The following DPP10 variants were observed in gnomAD, a reference collection of about 807,000 sequenced individuals.
DPP10 encodes dipeptidyl peptidase like 10, also known as inactive dipeptidyl peptidase 10.
Under a neutral mutation model 120.9 loss-of-function variants are expected in DPP10, and 33 were observed. The observed-to-expected ratio is 0.27, with a 90% CI of 0.21 to 0.37. The LOEUF (loss-of-function observed/expected upper bound fraction) is 0.37. DPP10 is among the 10% of genes least tolerant of loss of function. The pLI is 1.00. For synonymous variants in DPP10, 337 were observed against 326.1 expected, an observed-to-expected ratio of 1.03 and a Z score of -0.36; for missense variants, 816 against 942.8, an observed-to-expected ratio of 0.87 and a Z score of 1.76.
At chr2:115,481,718 T>A (rs1027391481) in intron 3 of DPP10, among the ~76,000 whole-genome samples, 2 of 152,140 alleles carry the variant, frequency 1.3e-5, no homozygotes, top group African/African-American at 4.8e-5. Context: ...TTGACAGTTT[T>A]CCTTCAGTTA....
At chr2:115,578,828 T>C (rs564465951) in intron 5 of DPP10, among the ~76,000 whole-genome samples, 1 of 152,300 alleles carries the variant, frequency 6.6e-6, no homozygotes, top group South Asian at 2.1e-4. Context: ...TCATCAAGGC[T>C]GCTAATAACT....
At chr2:115,629,263 CTG>C (rs1428153229) in intron 5 of DPP10, among the ~76,000 whole-genome samples, 4 of 152,234 alleles carry the variant, frequency 2.6e-5, no homozygotes, top group Admixed American at 6.5e-5. Context: ...GCGAATAGTG[CTG>C]CAATAAACAT....
intron 5 of DPP10, among the ~76,000 whole-genome samples, chr2:115,556,332 T>C (rs2080208204): frequency 1.3e-5 from 2 of 150,972 alleles, no homozygotes; most frequent in South Asian, 2.1e-4. Context: ...TCATAAACTT[T>C]CTTAAAACGT....
chr2:115,034,834 G>T (rs557225302), intron 1 of DPP10, among the ~76,000 whole-genome samples: 1 of 152,232 alleles, frequency 6.6e-6, no homozygotes, highest in South Asian at 2.1e-4. Flanking sequence ...CACTGCCACT[G>T]CTTTAGTTCT....
intron 1 of DPP10, among the ~76,000 whole-genome samples, chr2:114,733,476 C>A (rs1677116984): frequency 1.3e-5 from 2 of 152,100 alleles, no homozygotes; most frequent in Admixed American, 1.3e-4. Context: ...AAAAACAGGA[C>A]CTCTTTATTT....
intron 3 of DPP10, among the ~76,000 whole-genome samples, chr2:115,412,622 A>G (rs369149301): frequency 3.8e-4 from 58 of 152,322 alleles, no homozygotes; most frequent in African/African-American, 1.3e-3. Context: ...TATAATAACT[A>G]TGAGTGACTC....
chr2:114,638,206 G>T (rs568867529), intron 1 of DPP10, among the ~76,000 whole-genome samples: 3 of 151,706 alleles, frequency 2.0e-5, no homozygotes, highest in South Asian at 2.1e-4. Context: ...TCCTTGGTTA[G>T]CTGTATTCTT....
intron 5 of DPP10, among the ~76,000 whole-genome samples, chr2:115,658,390 C>CT (rs570547493): frequency 1.0e-3 from 150 of 147,856 alleles, no homozygotes; most frequent in African/African-American, 1.5e-3. Flanking sequence ...TTGACAACCC[C>CT]TTTTTTTTTT....
intron 1 of DPP10, among the ~76,000 whole-genome samples, chr2:115,116,086 T>C (rs1026653693): frequency 6.6e-6 from 1 of 152,164 alleles, no homozygotes; most frequent in African/African-American, 2.4e-5. Flanking sequence ...TTTAACCTTT[T>C]GATTTCCTCT....
intron 1 of DPP10, among the ~76,000 whole-genome samples, chr2:115,042,670 GAT>G (rs1704751766): frequency 2.0e-5 from 3 of 152,188 alleles, no homozygotes; most frequent in Non-Finnish European, 1.5e-5. Flanking sequence ...GAAGGCAAGA[GAT>G]AGAGAGGACA....
Position 115,641,843 on chromosome 2 carries a change from C to A in DPP10, c.442-47844C>A, listed in dbSNP as rs75138635. On this transcript the variant is annotated intron_variant, in intron 5 of 25. Transcript: ENST00000410059. Reference sequence around the variant, plus strand: ...CTCAAAACAAAACCTTTTCTTATGTCATTTCATATACGATAGTGTTACCAA... The same window carrying A: ...CTCAAAACAAAACCTTTTCTTATGTAATTTCATATACGATAGTGTTACCAA... Among the ~76,000 whole-genome samples, 1,269 of 152,208 alleles carry A rather than the reference C, an allele frequency of 8.3e-3. 14 individuals carry two copies. Among genetic ancestry groups the A allele is most frequent in the African/African-American group, 0.029 (1,210 of 41,518 alleles).
intron 1 of DPP10, among the ~76,000 whole-genome samples, chr2:114,974,877 T>C (rs1319598290): frequency 6.6e-6 from 1 of 151,990 alleles, no homozygotes; most frequent in Non-Finnish European, 1.5e-5. Context: ...GTAAGAAATA[T>C]ACATATATAA....
intron 8 of DPP10, among the ~76,000 whole-genome samples, chr2:115,736,197 G>C (rs183547758): frequency 2.0e-5 from 3 of 152,126 alleles, no homozygotes; most frequent in Non-Finnish European, 4.4e-5. Flanking sequence ...ATTGTGTTCT[G>C]TGGGTTATTG....
chr2:114,487,882 T>G (rs963442205), intron 1 of DPP10, among the ~76,000 whole-genome samples: 2 of 152,038 alleles, frequency 1.3e-5, no homozygotes, highest in African/African-American at 4.8e-5. Context: ...TCTAGATGAG[T>G]AATCACAAAG....
intron 3 of DPP10, among the ~76,000 whole-genome samples, chr2:115,479,518 A>C (rs2075298809): frequency 6.6e-6 from 1 of 152,160 alleles, no homozygotes; most frequent in Non-Finnish European, 1.5e-5. Context: ...GAATGTACTT[A>C]ATACTGCTCA....
intron 1 of DPP10, among the ~76,000 whole-genome samples, chr2:115,058,756 T>TTA (rs1553479565): frequency 2.0e-5 from 3 of 151,802 alleles, no homozygotes; most frequent in Non-Finnish European, 4.4e-5. Context: ...TCTTTTTTTT[T>TTA]ATTTTTTTAT....
At chr2:114,899,629 A>AT (rs1156441193) in intron 1 of DPP10, among the ~76,000 whole-genome samples, 2 of 148,270 alleles carry the variant, frequency 1.3e-5, no homozygotes, top group Non-Finnish European at 1.5e-5. Flanking sequence ...TTCTTTTCTA[A>AT]TTTTTTCTTT....
intron 1 of DPP10, among the ~76,000 whole-genome samples, chr2:114,921,653 C>T (rs1426410296): frequency 6.6e-6 from 1 of 152,146 alleles, no homozygotes; most frequent in African/African-American, 2.4e-5. Flanking sequence ...AAATGAAATG[C>T]TACTTATGCT....
intron 1 of DPP10, among the ~76,000 whole-genome samples, chr2:114,578,154 A>C (rs953341017): frequency 6.6e-6 from 1 of 152,238 alleles, no homozygotes; most frequent in Non-Finnish European, 1.5e-5. Flanking sequence ...GACATTTAGA[A>C]CACTGCTAAG....
Sources: allele counts gnomAD v4.1 joint callset (sites outside exome capture counted in the v4.1 genomes callset), GRCh38; gene constraint gnomAD v4.1.1; transcripts MANE v1.5; gene names NCBI Gene and HGNC (gene_info 2026-07-23, HGNC 2026-07-21).